The following ST3GAL6 variants were observed in gnomAD, a reference collection of about 807,000 sequenced individuals.
ST3GAL6 encodes ST3 beta-galactoside alpha-2,3-sialyltransferase 6.
ST3GAL6 carries 31 observed loss-of-function variants against 40.5 expected under a neutral mutation model. The ratio of observed to expected loss-of-function variants is 0.77; its 90% CI spans 0.58 to 1.03. The LOEUF (loss-of-function observed/expected upper bound fraction) is 1.03, where lower values mean the gene tolerates loss of function less well. ST3GAL6 is among the 50% of genes least tolerant of loss of function. The pLI, the probability that ST3GAL6 is intolerant of heterozygous loss-of-function variation, is 0.00. For missense variants in ST3GAL6, 357 were observed against 393.2 expected (o/e 0.91, Z 0.78); for synonymous variants, 129 against 136.9 (o/e 0.94, Z 0.40).
At chr3:98,760,889 A>G (rs1937681753), upstream of ST3GAL6, among the ~76,000 whole-genome samples, 2 of 152,260 alleles carry the variant, frequency 1.3e-5, no homozygotes, top group African/African-American at 4.8e-5. Context: ...TTAGCAACAA[A>G]AAGGAATGAA....
At chr3:98,742,636 A>G (rs567328108) in intron 1 of ST3GAL6, among the ~76,000 whole-genome samples, 2 of 151,588 alleles carry the variant, frequency 1.3e-5, no homozygotes, top group Non-Finnish European at 2.9e-5. Context: ...GAAGTTGCCA[A>G]TCTACTGATT....
At chr3:98,755,403 G>A (rs1458905860) in intron 1 of ST3GAL6, among the ~76,000 whole-genome samples, 2 of 152,074 alleles carry the variant, frequency 1.3e-5, no homozygotes, top group South Asian at 4.1e-4. Context: ...AAATTGTGTG[G>A]GGAGGCTTAA....
At position 98,789,088 on chromosome 3, in the gene ST3GAL6, C is replaced by A. The variant is rs78473020; in HGVS notation, c.756+625C>A. On this transcript the variant is annotated intron_variant, in intron 8 of 9. Coordinates refer to ENST00000483910, the MANE Select transcript of ST3GAL6 (RefSeq NM_001323368.2). ...TCCCTAGAAAACAATACTCTAGACCCATACAGTGGCAGAGATATTTTTTAC... is the reference window on the plus strand; with the variant it reads ...TCCCTAGAAAACAATACTCTAGACCAATACAGTGGCAGAGATATTTTTTAC... 3.3e-4 allele frequency among the ~76,000 whole-genome samples: 50 copies of A among 152,278 alleles called. No homozygotes were observed. In the East Asian group the frequency reaches 9.6e-3, roughly 29 times the overall value.
intron 1 of ST3GAL6, chr3:98,732,966 G>GTGAC: frequency 6.7e-7 from 1 of 1,502,780 alleles, no homozygotes; most frequent in Non-Finnish European, 8.8e-7. Flanking sequence ...GGGCCTCGGC[G>GTGAC]GGTCACTCTT....
At chr3:98,780,264 G>T (rs2107271599) in intron 5 of ST3GAL6, among the ~76,000 whole-genome samples, 1 of 152,324 alleles carries the variant, frequency 6.6e-6, no homozygotes, top group East Asian at 1.9e-4. Flanking sequence ...ACTAGCTGTA[G>T]ATAAAGTGTT....
At chr3:98,762,954 G>A (rs985602076), upstream of ST3GAL6, 1 of 985,312 alleles carries the variant, frequency 1.0e-6, no homozygotes, top group South Asian at 4.7e-5. Flanking sequence ...GCCAGAGGTT[G>A]TAGATCCTTG....
In ST3GAL6 at chr3:98,795,136, T is replaced by TGAA. The variant is rs1167870068; in HGVS notation, c.*1379_*1381dup. 1.3e-5 allele frequency: 2 copies of TGAA among 151,868 alleles called. No individual in the cohort carries two copies. The highest frequency in any genetic ancestry group is 4.8e-5 in the African/African-American group (2 of 41,316). The allele number at this position is 151,868 out of a possible 1,614,324, so 9.4% of individuals were successfully genotyped here. A position where few individuals can be genotyped will look rare whatever the true frequency, so the allele number is the denominator to read the frequency against. ...CATCTGGAGGTAGGGGAATGAGAGG[T>TGAA]GAAGAAACAGAAAAATAGAGGTTAT... is the stretch of plus-strand genomic sequence containing the variant. On this transcript the variant is annotated 3_prime_UTR_variant, in exon 10 of 10. Coordinates refer to ENST00000483910, the MANE Select transcript of ST3GAL6 (RefSeq NM_001323368.2).
intron 1 of ST3GAL6, among the ~76,000 whole-genome samples, chr3:98,749,670 A>G (rs888930467): frequency 6.6e-6 from 1 of 152,216 alleles, no homozygotes; most frequent in Admixed American, 6.5e-5. Context: ...TAAAACAGTA[A>G]ACTCTTTGGA....
At chr3:98,761,148 G>A (rs1937714149), upstream of ST3GAL6, among the ~76,000 whole-genome samples, 1 of 152,104 alleles carries the variant, frequency 6.6e-6, no homozygotes, top group Admixed American at 6.6e-5. Context: ...GTTGTTACCT[G>A]ATACACTTAA....
rs1185906272 is a variant in ST3GAL6, at chr3:98,794,741, A to G, written c.*980A>G. Reference sequence around the variant, plus strand: ...ATGGTGAAACCTCATCTCTACTAAAATACAAAATAATTAGCTGGGCGTGGT... The same window carrying G: ...ATGGTGAAACCTCATCTCTACTAAAGTACAAAATAATTAGCTGGGCGTGGT... On this transcript the variant is annotated 3_prime_UTR_variant, in exon 10 of 10. Coordinates refer to ENST00000483910, the MANE Select transcript of ST3GAL6 (RefSeq NM_001323368.2). 1 of 152,108 alleles carries G rather than the reference A, an allele frequency of 6.6e-6. No homozygotes were observed. The highest frequency in any genetic ancestry group is 1.5e-5 in the Non-Finnish European group (1 of 68,052). 9.4% of individuals were successfully genotyped at this position (152,108 alleles called of 1,614,324 possible). A position where few individuals can be genotyped will look rare whatever the true frequency, so the allele number is the denominator to read the frequency against.
chr3:98,784,880 A>C, intron 5 of ST3GAL6, 65 bp from the exon 6 acceptor site: 1 of 1,358,690 alleles, frequency 7.4e-7, no homozygotes, highest in Non-Finnish European at 1.0e-6. Flanking sequence ...GACAGTATGC[A>C]TGGATTCTTG....
intron 6 of ST3GAL6, among the ~76,000 whole-genome samples, chr3:98,786,224 G>A (rs780793387): frequency 1.3e-5 from 2 of 152,080 alleles, no homozygotes; most frequent in African/African-American, 4.8e-5. Flanking sequence ...CCCAAGGAGA[G>A]ACTGAGAGAG....
intron 1 of ST3GAL6, among the ~76,000 whole-genome samples, chr3:98,765,233 G>A (rs1938198681): frequency 6.6e-6 from 1 of 152,214 alleles, no homozygotes; most frequent in South Asian, 2.1e-4. Flanking sequence ...GGAATTTTCA[G>A]ATTAGAATTA....
intron 1 of ST3GAL6, chr3:98,732,947 G>A (rs1208285951): frequency 2.0e-6 from 3 of 1,510,438 alleles, no homozygotes; most frequent in African/African-American, 1.4e-5. Flanking sequence ...CTCTGCGGTC[G>A]TCGCTCCTGG....
intron 1 of ST3GAL6, among the ~76,000 whole-genome samples, chr3:98,765,280 A>G (rs1938202449): frequency 6.6e-6 from 1 of 152,198 alleles, no homozygotes. Context: ...TTATCTTGAG[A>G]GACAGGATAA....
At position 98,787,094 on chromosome 3, in the gene ST3GAL6, G is replaced by T. The variant is rs117852952; in HGVS notation, c.432-942G>T. ...TTTTGTGGGGTTACAAGCTGCCTAG[G>T]GTTTCTGCATGGTGAGGTCACCTTA... On this transcript the variant is annotated intron_variant, in intron 6 of 9. Transcript: ENST00000483910. Among the ~76,000 whole-genome samples, 118 of 152,036 alleles carry T rather than the reference G, an allele frequency of 7.8e-4. 2 individuals are homozygous for T. In the East Asian group the frequency reaches 0.02, roughly 26 times the overall value.
chr3:98,736,314 G>A (rs1230962656), intron 1 of ST3GAL6, among the ~76,000 whole-genome samples: 2 of 152,186 alleles, frequency 1.3e-5, no homozygotes, highest in African/African-American at 2.4e-5. Flanking sequence ...TATACAGATA[G>A]CATCATTGCA....
intron 1 of ST3GAL6, among the ~76,000 whole-genome samples, chr3:98,733,994 G>A (rs1935302359): frequency 6.6e-6 from 1 of 152,184 alleles, no homozygotes; most frequent in Non-Finnish European, 1.5e-5. Flanking sequence ...GCTGTGAGTA[G>A]GTGGATAGTT....
At chr3:98,739,805 G>A (rs1220924633) in intron 1 of ST3GAL6, among the ~76,000 whole-genome samples, 1 of 152,148 alleles carries the variant, frequency 6.6e-6, no homozygotes, top group East Asian at 1.9e-4. Context: ...GATGGGTTAA[G>A]CAGTTGCATT....
Sources: allele counts gnomAD v4.1 joint callset (sites outside exome capture counted in the v4.1 genomes callset), GRCh38; gene constraint gnomAD v4.1.1; transcripts MANE v1.5; gene names NCBI Gene and HGNC (gene_info 2026-07-23, HGNC 2026-07-21).